EYS: variants seen among roughly 807,000 people sequenced by gnomAD.
EYS encodes EGF-like photoreceptor maintenance factor.
EYS carries 250 observed loss-of-function variants against 282.1 expected under a neutral mutation model. The ratio of observed to expected loss-of-function variants is 0.89; its 90% CI spans 0.80 to 0.98. The LOEUF is 0.98. Ranked by LOEUF, EYS falls within the 50% of genes least tolerant of loss-of-function variation. The pLI, the probability that EYS is intolerant of heterozygous loss-of-function variation, is 0.00. For missense variants in EYS, 4,016 were observed against 3,709.0 expected (o/e 1.08, Z -2.15); for synonymous variants, 1,355 against 1,282.9 (o/e 1.06, Z -1.20).
intron 12 of EYS, among the ~76,000 whole-genome samples, chr6:65,230,551 T>C (rs11966455): frequency 0.24 from 36,139 of 151,688 alleles, 4,481 homozygotes; most frequent in Middle Eastern, 0.28. Context: ...GAGAGAAAAA[T>C]TTACTGTCTT....
intron 22 of EYS, among the ~76,000 whole-genome samples, chr6:64,695,423 A>G (rs1315446528): frequency 1.3e-5 from 2 of 152,012 alleles, no homozygotes; most frequent in African/African-American, 4.8e-5. Flanking sequence ...CCAGCTACTG[A>G]GAAGGCCTTC....
intron 22 of EYS, among the ~76,000 whole-genome samples, chr6:64,755,948 T>C (rs1772924027): frequency 6.6e-6 from 1 of 152,192 alleles, no homozygotes; most frequent in South Asian, 2.1e-4. Context: ...TGTGAATCTA[T>C]AAGTTAATAC....
chr6:65,125,391 C>T lies in EYS; in HGVS notation c.2024-67664G>A, dbSNP rs188782691. Among the ~76,000 whole-genome samples the T allele has an allele frequency of 4.6e-5, 7 of 152,224 alleles. No homozygotes were observed. The East Asian group carries it at 7.7e-4, about 17-fold the overall frequency. On this transcript the variant is annotated intron_variant, in intron 12 of 42. Transcript: ENST00000503581. ...GTCACTTCCTCATCAATTCCTTTGT[C>T]CCCCGCTGCCCATTTGCAGTTGTTT...
At chr6:65,142,073 T>G (rs1764359723) in intron 12 of EYS, among the ~76,000 whole-genome samples, 1 of 152,040 alleles carries the variant, frequency 6.6e-6, no homozygotes. Context: ...GATTAGATCT[T>G]TCAACTTGTT....
At chr6:64,932,723 AAC>A (rs892075126) in intron 15 of EYS, among the ~76,000 whole-genome samples, 1 of 151,980 alleles carries the variant, frequency 6.6e-6, no homozygotes, top group East Asian at 1.9e-4. Flanking sequence ...GACATGTCTC[AAC>A]ACACACACAG....
chr6:65,233,601 G>C (rs1336661151), intron 12 of EYS, among the ~76,000 whole-genome samples: 4 of 152,122 alleles, frequency 2.6e-5, no homozygotes, highest in African/African-American at 9.7e-5. Context: ...ATTATTTAGG[G>C]AGTTTATGTC....
At chr6:65,488,167 A>T (rs1765883759) in intron 5 of EYS, among the ~76,000 whole-genome samples, 1 of 151,560 alleles carries the variant, frequency 6.6e-6, no homozygotes, top group East Asian at 1.9e-4. Flanking sequence ...TTATGTCTCT[A>T]TCTCCTTCAG....
chr6:64,864,047 A>G (rs772370334), intron 19 of EYS, among the ~76,000 whole-genome samples: 1 of 152,122 alleles, frequency 6.6e-6, no homozygotes, highest in Non-Finnish European at 1.5e-5. Flanking sequence ...CTCTTGTGTC[A>G]CACATCAGTT....
At chr6:64,681,715 G>C (rs1769905079) in intron 22 of EYS, among the ~76,000 whole-genome samples, 1 of 152,182 alleles carries the variant, frequency 6.6e-6, no homozygotes, top group South Asian at 2.1e-4. Flanking sequence ...AGGAGAGACC[G>C]ACAAGGTTAA....
At chr6:65,596,229 G>A (rs1765398865) in intron 2 of EYS, among the ~76,000 whole-genome samples, 1 of 152,086 alleles carries the variant, frequency 6.6e-6, no homozygotes, top group African/African-American at 2.4e-5. Context: ...GGTGTCCTTA[G>A]AGACCTTGAG....
At chr6:64,347,106 T>C (rs912335469) in intron 29 of EYS, among the ~76,000 whole-genome samples, 1 of 151,382 alleles carries the variant, frequency 6.6e-6, no homozygotes, top group African/African-American at 2.4e-5. Context: ...AACTCTACAG[T>C]ATGAAGGCAC....
At chr6:64,413,347 G>A (rs1773964671) in intron 28 of EYS, among the ~76,000 whole-genome samples, 1 of 152,000 alleles carries the variant, frequency 6.6e-6, no homozygotes, top group Non-Finnish European at 1.5e-5. Context: ...TGCTTCCCTT[G>A]CCAATGTCCA....
chr6:64,728,285 A>G (rs1362483489), intron 22 of EYS, among the ~76,000 whole-genome samples: 1 of 152,170 alleles, frequency 6.6e-6, no homozygotes, highest in Non-Finnish European at 1.5e-5. Context: ...ATGTAAACTA[A>G]TAAATACTAA....
chr6:65,591,918 G>T (rs1359265251), intron 2 of EYS, among the ~76,000 whole-genome samples: 2 of 152,102 alleles, frequency 1.3e-5, no homozygotes, highest in African/African-American at 2.4e-5. Context: ...CAAGCACCAT[G>T]TGTCATTATC....
At chr6:65,563,522 C>T (rs776908047) in intron 2 of EYS, among the ~76,000 whole-genome samples, 10 of 151,788 alleles carry the variant, frequency 6.6e-5, no homozygotes, top group Non-Finnish European at 1.2e-4. Context: ...AGTATCTCTT[C>T]GGAAATATAT....
At chr6:64,522,206 G>A (rs1777765459) in intron 26 of EYS, among the ~76,000 whole-genome samples, 1 of 151,708 alleles carries the variant, frequency 6.6e-6, no homozygotes, top group African/African-American at 2.4e-5. Flanking sequence ...TTCAATTTCA[G>A]TTGGTAATGC....
At chr6:65,203,608 T>A (rs920911681) in intron 12 of EYS, among the ~76,000 whole-genome samples, 2 of 152,096 alleles carry the variant, frequency 1.3e-5, no homozygotes, top group Non-Finnish European at 2.9e-5. Context: ...TTAAAAATAA[T>A]AAATGACAGC....
intron 30 of EYS, among the ~76,000 whole-genome samples, chr6:64,295,391 A>AG (rs1561912056): frequency 1.8e-3 from 2 of 1,142 alleles, no homozygotes; most frequent in African/African-American, 0.015. Flanking sequence ...AAGAAGAAGG[A>AG]AGAAGAAGAG....
At chr6:65,052,265 G>A (rs1234337532) in intron 13 of EYS, among the ~76,000 whole-genome samples, 1 of 151,334 alleles carries the variant, frequency 6.6e-6, no homozygotes, top group Non-Finnish European at 1.5e-5. Flanking sequence ...ATGTGTGTGT[G>A]CATTTATGTA....
Sources: gnomAD v4.1 joint callset for allele counts (sites outside exome capture counted in the v4.1 genomes callset) on GRCh38, gnomAD v4.1.1 for gene constraint, MANE v1.5 for transcripts, NCBI Gene and HGNC (gene_info 2026-07-23, HGNC 2026-07-21) for gene names.